The following SBF2 variants were observed in gnomAD, a reference collection of about 807,000 sequenced individuals.
SBF2 encodes the protein myotubularin-related protein 13.
SBF2 carries 112 observed loss-of-function variants against 225.2 expected under a neutral mutation model. That is an observed-to-expected ratio of 0.50 (90% CI 0.43 to 0.58). SBF2 has a LOEUF of 0.58. Ranked by LOEUF, SBF2 falls within the 20% of genes least tolerant of loss-of-function variation. The pLI is 0.00. For missense variants in SBF2, 1,996 were observed against 2,206.2 expected (o/e 0.90, Z 1.91); for synonymous variants, 763 against 773.3 (o/e 0.99, Z 0.22).
chr11:9,976,072 CTTT>C (rs773334975), intron 13 of SBF2, among the ~76,000 whole-genome samples: 2 of 128,256 alleles, frequency 1.6e-5, no homozygotes, highest in South Asian at 2.5e-4. Flanking sequence ...TCTTCTTCTT[CTTT>C]TTTTTTTTTT....
At chr11:10,123,637 T>C (rs1953590940) in intron 2 of SBF2, among the ~76,000 whole-genome samples, 1 of 151,844 alleles carries the variant, frequency 6.6e-6, no homozygotes, top group African/African-American at 2.4e-5. Flanking sequence ...GTATTCAGAG[T>C]CGAGTTTAAT....
intron 1 of SBF2, among the ~76,000 whole-genome samples, chr11:10,256,617 T>C (rs920843860): frequency 1.3e-5 from 2 of 152,224 alleles, no homozygotes; most frequent in Non-Finnish European, 2.9e-5. Flanking sequence ...TTTGCCCATA[T>C]ACATTTGGAT....
chr11:10,229,174 A>AT (rs1256282247), intron 1 of SBF2, among the ~76,000 whole-genome samples: 19 of 151,956 alleles, frequency 1.3e-4, no homozygotes, highest in African/African-American at 4.6e-4. Flanking sequence ...CCCCTTTGTC[A>AT]TTTTTTATTG....
At chr11:9,938,466 G>C (rs1177727926) in intron 16 of SBF2, among the ~76,000 whole-genome samples, 3 of 141,060 alleles carry the variant, frequency 2.1e-5, no homozygotes, top group Admixed American at 7.1e-5. Context: ...GGCTTAAAAA[G>C]TACAAAAAAA....
rs985803879 is a variant in SBF2 at position 9,780,000 on chromosome 11, A to G, written c.*418T>C. 1.9e-5 allele frequency: 5 copies of G among 268,362 alleles called. No homozygotes were observed. The highest frequency in any genetic ancestry group is 3.7e-5 in the Non-Finnish European group (5 of 135,412). 16.6% of individuals were successfully genotyped at this position (268,362 alleles called of 1,614,324 possible). On this transcript the variant is annotated 3_prime_UTR_variant, in exon 40 of 40. Coordinates refer to ENST00000256190, the MANE Select transcript of SBF2 (RefSeq NM_030962.4). ...AAACCTAGTCCAGGTAGAATATGAGACAATCTTGGAGGGTTTTGATTTTTG... is the reference window on the plus strand; with the variant it reads ...AAACCTAGTCCAGGTAGAATATGAGGCAATCTTGGAGGGTTTTGATTTTTG...
chr11:10,246,267 C>A (rs181376715), intron 1 of SBF2, among the ~76,000 whole-genome samples: 1 of 152,202 alleles, frequency 6.6e-6, no homozygotes, highest in Admixed American at 6.5e-5. Context: ...TAAATATGCA[C>A]AGGTTTCTTT....
chr11:10,167,788 A>G (rs1956030678), intron 2 of SBF2, among the ~76,000 whole-genome samples: 1 of 152,020 alleles, frequency 6.6e-6, no homozygotes, highest in Non-Finnish European at 1.5e-5. Context: ...GAGGCTGAGG[A>G]AGGCGGATCA....
intron 26 of SBF2, 61 bp from the exon 27 acceptor site, chr11:9,832,481 G>T: frequency 8.1e-7 from 1 of 1,233,250 alleles, no homozygotes. Flanking sequence ...GGAAGAAAAG[G>T]GGAAAGGAAA....
chr11:9,916,760 T>C (rs963095294), intron 16 of SBF2, among the ~76,000 whole-genome samples: 3 of 151,954 alleles, frequency 2.0e-5, no homozygotes, highest in African/African-American at 7.3e-5. Context: ...AATTTTTAAA[T>C]TTTTTGTAGG....
At chr11:9,875,185 T>A (rs1041108489) in intron 17 of SBF2, among the ~76,000 whole-genome samples, 1 of 152,200 alleles carries the variant, frequency 6.6e-6, no homozygotes, top group Non-Finnish European at 1.5e-5. Context: ...GTTAAGCCAA[T>A]AATTATGCCT....
intron 12 of SBF2, 98 bp from the exon 13 acceptor site, chr11:9,989,693 A>T: frequency 1.4e-6 from 1 of 728,848 alleles, no homozygotes; most frequent in South Asian, 1.7e-5. Context: ...AAAAAATCCA[A>T]CATATACATT....
rs180742220 is a variant in SBF2 at position 9,851,651 on chromosome 11, G to A, written c.2610+1025C>T. On this transcript the variant is annotated intron_variant, in intron 21 of 39. Coordinates refer to ENST00000256190, the MANE Select transcript of SBF2 (RefSeq NM_030962.4). Reference sequence around the variant, plus strand: ...CTATTATTTTTGTTGGCTCTAGTGAGTTTAGAGCTAAATGTAAAGCCAAAG... The same window carrying A: ...CTATTATTTTTGTTGGCTCTAGTGAATTTAGAGCTAAATGTAAAGCCAAAG... Among the ~76,000 whole-genome samples, 13 of 152,318 alleles carry A rather than the reference G, an allele frequency of 8.5e-5. No homozygotes were observed. In the East Asian group the frequency reaches 1.5e-3, roughly 18 times the overall value.
chr11:9,805,791 T>G (rs7946420), intron 32 of SBF2, among the ~76,000 whole-genome samples: 2,689 of 152,144 alleles, frequency 0.018, 89 homozygotes, highest in African/African-American at 0.061. Flanking sequence ...TCTGGCTGAT[T>G]TTTTGTATTT....
At chr11:10,010,285 C>T (rs952786945) in intron 6 of SBF2, among the ~76,000 whole-genome samples, 4 of 152,076 alleles carry the variant, frequency 2.6e-5, no homozygotes, top group East Asian at 1.9e-4. Flanking sequence ...GTTGCCATTG[C>T]TTTTGGTGTT....
intron 17 of SBF2, among the ~76,000 whole-genome samples, chr11:9,880,009 G>C (rs1279636462): frequency 6.7e-6 from 1 of 148,462 alleles, no homozygotes; most frequent in Non-Finnish European, 1.5e-5. Flanking sequence ...GCTTGAACCT[G>C]GGATGTGGAG....
At chr11:9,882,795 CAAAA>C (rs56699466) in intron 17 of SBF2, among the ~76,000 whole-genome samples, 4 of 90,052 alleles carry the variant, frequency 4.4e-5, no homozygotes, top group Admixed American at 3.1e-4. Flanking sequence ...GTGACAGAGT[CAAAA>C]AAAAAAAAAA....
chr11:9,901,657 T>G (rs1044141145), intron 16 of SBF2, among the ~76,000 whole-genome samples: 1 of 152,018 alleles, frequency 6.6e-6, no homozygotes, highest in African/African-American at 2.4e-5. Context: ...TTTTTTAAAT[T>G]TTTATATTTT....
intron 16 of SBF2, among the ~76,000 whole-genome samples, chr11:9,920,182 ATGTGTGTG>A (rs137939953): frequency 1.4e-3 from 207 of 147,170 alleles, no homozygotes; most frequent in Admixed American, 2.8e-3. Flanking sequence ...CAAATACTAT[ATGTGTGTG>A]TGTGTGTGTG....
intron 38 of SBF2, among the ~76,000 whole-genome samples, chr11:9,782,653 T>C (rs1262425709): frequency 6.6e-6 from 1 of 152,030 alleles, no homozygotes; most frequent in Non-Finnish European, 1.5e-5. Flanking sequence ...GGTGGATCAC[T>C]TGAGGTCAGG....
Sources: gnomAD v4.1 joint callset for allele counts (sites outside exome capture counted in the v4.1 genomes callset) on GRCh38, gnomAD v4.1.1 for gene constraint, MANE v1.5 for transcripts, NCBI Gene and HGNC (gene_info 2026-07-23, HGNC 2026-07-21) for gene names.